HDAC8: variants seen among roughly 807,000 people sequenced by gnomAD.
HDAC8 encodes histone deacetylase-like 1.
Under a neutral mutation model 32.2 loss-of-function variants are expected in HDAC8, and 1 was observed. The observed-to-expected ratio is 0.03, with a 90% CI of 0.01 to 0.15. The LOEUF is 0.15. Among genes scored for constraint, HDAC8 ranks in the 10% least tolerant of loss-of-function variants. HDAC8 has a pLI of 1.00. For synonymous variants in HDAC8, 108 were observed against 113.9 expected (o/e 0.95, Z 0.33); for missense variants, 117 against 300.0 (o/e 0.39, Z 4.51).
At chrX:72,351,659 A>T (rs2044183835) in intron 10 of HDAC8, 74 bp downstream of exon 10, 1 of 691,477 alleles carries the variant, frequency 1.4e-6, no homozygotes, top group Non-Finnish European at 2.3e-6. Flanking sequence ...AATGGTATTT[A>T]AGGAAGCCCC....
chrX:72,411,017 C>G, intron 9 of HDAC8, among the ~76,000 whole-genome samples: 1 of 70,652 alleles, frequency 1.4e-5, no homozygotes, highest in South Asian at 9.1e-4. Flanking sequence ...TCTTTCCCAC[C>G]TTTTCTTTCT....
At chrX:72,457,692 T>A (rs1431182511) in intron 9 of HDAC8, among the ~76,000 whole-genome samples, 1 of 111,918 alleles carries the variant, frequency 8.9e-6, no homozygotes, top group East Asian at 2.8e-4. Flanking sequence ...TAATTTGGAA[T>A]TAAAGAAGAC....
At chrX:72,439,722 A>C (rs192981000) in intron 9 of HDAC8, among the ~76,000 whole-genome samples, 70 of 110,944 alleles carry the variant, frequency 6.3e-4, no homozygotes, top group African/African-American at 2.2e-3. Flanking sequence ...CTAAAAAGAC[A>C]AAGAAGGGCA....
intron 7 of HDAC8, among the ~76,000 whole-genome samples, chrX:72,472,403 T>C (rs1167181135): frequency 1.8e-5 from 2 of 112,049 alleles, no homozygotes; most frequent in African/African-American, 6.5e-5. Context: ...CATCCAGTTG[T>C]CCTATCATCA....
At chrX:72,414,605 G>A (rs937527464) in intron 9 of HDAC8, among the ~76,000 whole-genome samples, 1 of 112,178 alleles carries the variant, frequency 8.9e-6, no homozygotes, top group Non-Finnish European at 1.9e-5. Context: ...AGAATAATGT[G>A]TTAAAGAAAG....
intron 9 of HDAC8, among the ~76,000 whole-genome samples, chrX:72,412,321 G>C (rs2046218289): frequency 8.9e-6 from 1 of 111,916 alleles, no homozygotes; most frequent in Non-Finnish European, 1.9e-5. Flanking sequence ...TATTACAAAT[G>C]GTTATTGAGG....
At chrX:72,564,304 T>C (rs1421534872) in intron 4 of HDAC8, among the ~76,000 whole-genome samples, 1 of 112,701 alleles carries the variant, frequency 8.9e-6, no homozygotes, top group East Asian at 2.8e-4. Flanking sequence ...TCTTATACAT[T>C]ATATTGTAGG....
At chrX:72,557,028 A>C (rs1556096604) in intron 4 of HDAC8, among the ~76,000 whole-genome samples, 2 of 111,664 alleles carry the variant, frequency 1.8e-5, no homozygotes, top group Non-Finnish European at 1.9e-5. Context: ...CATCCTGGCT[A>C]ACATGGTAAA....
intron 9 of HDAC8, among the ~76,000 whole-genome samples, chrX:72,386,993 G>C (rs1379009157): frequency 2.7e-5 from 3 of 112,180 alleles, no homozygotes; most frequent in African/African-American, 9.7e-5. Flanking sequence ...ACTAGCTCTA[G>C]TTCAGAGTAG....
intron 9 of HDAC8, among the ~76,000 whole-genome samples, chrX:72,433,228 A>T (rs147618725): frequency 1.8e-3 from 200 of 111,306 alleles, no homozygotes; most frequent in African/African-American, 6.2e-3. Context: ...AAAACTGGAG[A>T]GGGGAAGTAG....
chrX:72,420,599 C>A (rs1239813797), intron 9 of HDAC8, among the ~76,000 whole-genome samples: 1 of 111,887 alleles, frequency 8.9e-6, no homozygotes, highest in Non-Finnish European at 1.9e-5. Flanking sequence ...TATTATTGTA[C>A]AACTATTTCT....
intron 10 of HDAC8, among the ~76,000 whole-genome samples, chrX:72,339,004 C>T (rs1465393976): frequency 9.0e-6 from 1 of 111,103 alleles, no homozygotes; most frequent in Admixed American, 9.7e-5. Flanking sequence ...CATTTTAAAG[C>T]ATACGTTAAA....
Position 72,384,162 on chromosome X carries a change from T to C in HDAC8, c.1006-32324A>G, listed in dbSNP as rs1384151183. Among the ~76,000 whole-genome samples, 3 of 111,853 alleles carry C rather than the reference T, an allele frequency of 2.7e-5. No homozygotes were observed. The East Asian group carries it at 8.4e-4, about 31-fold the overall frequency. On this transcript the variant is annotated intron_variant, in intron 9 of 10. Transcript: ENST00000373573. ...TATCTCCAGTCATGTCCCTCTCAAA[T>C]TCATCCTTTACACAGCAGCCTAAGT...
At chrX:72,532,593 C>G in intron 4 of HDAC8, among the ~76,000 whole-genome samples, 1 of 108,782 alleles carries the variant, frequency 9.2e-6, no homozygotes, top group East Asian at 2.9e-4. Flanking sequence ...CGATCCTCCT[C>G]CTTAGCTCAT....
rs901745214 is a variant in HDAC8, at chrX:72,572,717, G to C, written c.45C>G (p.Val15=). The change falls in exon 1 of 11, where the codon GTC becomes GTG. Residue 15 remains valine (V), a synonymous_variant. Transcript: ENST00000373573. The part of the protein sequence containing the change: ...EEPADSGQSL[V]PVYIYSPEYV... ...ACTCGGGACTATAGATATAAACCGG[G>C]ACCAGCGACTGCCCACTGTCCGCCG... 2 of 1,206,586 alleles carry C rather than the reference G, an allele frequency of 1.7e-6. No homozygotes were observed. The highest frequency in any genetic ancestry group is 3.6e-5 in the African/African-American group (2 of 56,095).
chrX:72,334,224 C>T (rs1555941629), intron 10 of HDAC8, among the ~76,000 whole-genome samples: 1 of 111,895 alleles, frequency 8.9e-6, no homozygotes, highest in African/African-American at 3.2e-5. Flanking sequence ...GAAGTTCAGA[C>T]CACAGCGGGC....
At chrX:72,495,290 C>T (rs1556012377) in intron 4 of HDAC8, 22 bp from the exon 5 acceptor site, 4 of 1,061,991 alleles carry the variant, frequency 3.8e-6, no homozygotes, top group East Asian at 3.1e-5. Flanking sequence ...CAAGTTGCTA[C>T]AGCCAACAGC....
At chrX:72,515,304 A>T (rs782049354) in intron 4 of HDAC8, among the ~76,000 whole-genome samples, 45 of 111,129 alleles carry the variant, frequency 4.0e-4, no homozygotes, top group Middle Eastern at 4.6e-3. Flanking sequence ...GATTTAGCTC[A>T]TTTAGCCTAA....
At chrX:72,470,817 G>GA (rs1373183617) in intron 7 of HDAC8, among the ~76,000 whole-genome samples, 3 of 111,431 alleles carry the variant, frequency 2.7e-5, no homozygotes, top group East Asian at 5.6e-4. Context: ...ACAGTTCCAG[G>GA]AAAAAAATAT....
Sources: gnomAD v4.1 joint callset for allele counts (sites outside exome capture counted in the v4.1 genomes callset) on GRCh38, gnomAD v4.1.1 for gene constraint, MANE v1.5 for transcripts, NCBI Gene and HGNC (gene_info 2026-07-23, HGNC 2026-07-21) for gene names.